CLCC1: variants seen among roughly 807,000 people sequenced by gnomAD.
CLCC1 encodes chloride channel CLIC-like protein 1.
CLCC1 carries 39 observed loss-of-function variants against 63.3 expected under a neutral mutation model. The ratio of observed to expected loss-of-function variants is 0.62; its 90% confidence interval spans 0.48 to 0.81. The LOEUF is 0.81. Among genes scored for constraint, CLCC1 ranks in the 30% least tolerant of loss-of-function variants. The probability of loss-of-function intolerance (pLI) is 0.00; values close to 1 mark genes in which losing one functional copy is unlikely to be tolerated. For synonymous variants in CLCC1, 217 were observed against 239.8 expected (o/e 0.90, Z 0.88); for missense variants, 549 against 669.4 (o/e 0.82, Z 1.98).
chr1:108,943,615 C>T lies in CLCC1; in HGVS notation c.562G>A (p.Val188Ile). 1 of 1,573,634 alleles carries T rather than the reference C, an allele frequency of 6.4e-7. No homozygotes were observed. Among genetic ancestry groups the T allele is most frequent in the Non-Finnish European group, 8.6e-7 (1 of 1,165,148 alleles). Residue 188 changes from valine (V) to isoleucine (I), a missense_variant and splice_region_variant, in exon 7 of 13, where the codon GTA becomes ATA. By Grantham distance (29) the Val-to-Ile change is conservative. Coordinates refer to ENST00000369969, the MANE Select transcript of CLCC1 (RefSeq NM_001377458.1). ...FGVDPYNVLM[V>I]LLCLLCIVVL... ...ACGATGCAGAGCAGACAAAGAAGTA[C>T]CTTAAAACAGAGAGAAGCAGAAATC...
intron 2 of CLCC1, among the ~76,000 whole-genome samples, chr1:108,951,984 C>G (rs1407470467): frequency 6.6e-6 from 1 of 151,948 alleles, no homozygotes; most frequent in Non-Finnish European, 1.5e-5. Context: ...CACTATATTG[C>G]CCAGGCTGGT....
intron 1 of CLCC1, among the ~76,000 whole-genome samples, 180 bp downstream of exon 1, chr1:108,963,181 G>GCT (rs774860296): frequency 4.6e-5 from 7 of 152,224 alleles, no homozygotes; most frequent in South Asian, 2.1e-4. Context: ...CGGGAGCTGA[G>GCT]GTAGGAGCCC....
rs560108540 is a variant in CLCC1 at position 108,957,975 on chromosome 1, A to G, written c.-12+4334T>C. Among the ~76,000 whole-genome samples, 3 of 151,504 alleles carry G rather than the reference A, an allele frequency of 2.0e-5. No individual in the cohort carries two copies. The East Asian group carries it at 5.8e-4, about 29-fold the overall frequency. ...GAACCAGCAAGAGATAATTCTAGTG[A>G]GTGCTATGAGGCAGGAAGAAAACCA... On this transcript the variant is annotated intron_variant, in intron 2 of 12. Transcript: ENST00000369969.
Position 108,962,308 on chromosome 1 carries a change from C to A in CLCC1, c.-12+1G>T, listed in dbSNP as rs1421426050. ...TGAGTAATGGGAAAGGCAAGACTAACCTGGATTAGTAGAGTCAAATCCTGT... is the reference window on the plus strand; with the variant it reads ...TGAGTAATGGGAAAGGCAAGACTAAACTGGATTAGTAGAGTCAAATCCTGT... On this transcript the variant is annotated splice_donor_variant, in intron 2 of 12. Coordinates refer to ENST00000369969, the MANE Select transcript of CLCC1 (RefSeq NM_001377458.1). LOFTEE classifies it low-confidence loss of function (5UTR_SPLICE). The A allele has an allele frequency of 6.6e-6, 1 of 152,132 alleles. No individual in the cohort carries two copies. Among genetic ancestry groups the A allele is most frequent in the African/African-American group, 2.4e-5 (1 of 41,420 alleles). 9.4% of individuals were successfully genotyped at this position (152,132 alleles called of 1,614,324 possible). A position where few individuals can be genotyped will look rare whatever the true frequency, so the allele number is the denominator to read the frequency against.
At chr1:108,943,365 A>C in intron 7 of CLCC1, 110 bp downstream of exon 7, 1 of 1,113,290 alleles carries the variant, frequency 9.0e-7, no homozygotes. Flanking sequence ...GCCACCTCTA[A>C]TCACTGCCTC....
chr1:108,952,668 T>C (rs1411131908), intron 2 of CLCC1, among the ~76,000 whole-genome samples: 1 of 151,656 alleles, frequency 6.6e-6, no homozygotes, highest in Non-Finnish European at 1.5e-5. Context: ...GGCATGGTGG[T>C]GTGTGCCTGT....
In CLCC1 at chr1:108,943,879, C is replaced by A. The variant is rs764536408; in HGVS notation, c.518G>T (p.Arg173Leu). Reference sequence around the variant, plus strand: ...ATCCACTCCAAAGGAATCTTCGAATCGCCACTTCCATGTTTCAAAATCATG... The same window carrying A: ...ATCCACTCCAAAGGAATCTTCGAATAGCCACTTCCATGTTTCAAAATCATG... ...KFHDFETWKWRFEDSFGVDPY... is the reference protein window; with the variant it reads ...KFHDFETWKWLFEDSFGVDPY... The change falls in exon 6 of 13, where the codon CGA becomes CTA. Residue 173 changes from arginine (R) to leucine (L), a missense_variant. Coordinates refer to ENST00000369969, the MANE Select transcript of CLCC1 (RefSeq NM_001377458.1). 1.2e-6 allele frequency: 2 copies of A among 1,613,794 alleles called. No individual in the cohort carries two copies. Among genetic ancestry groups the A allele is most frequent in the African/African-American group, 1.3e-5 (1 of 74,924 alleles).
In CLCC1 at chr1:108,931,458, C is replaced by T. The variant is rs919601903; in HGVS notation, c.*1089G>A. The T allele has an allele frequency of 3.9e-6, 6 of 1,550,818 alleles. No homozygotes were observed. In the East Asian group the frequency reaches 7.3e-5, roughly 19 times the overall value. On this transcript the variant is annotated 3_prime_UTR_variant, in exon 13 of 13. Transcript: ENST00000369969. ...CTTGGAACAAGTTGCCAACTTGTTTCACTCTGCTTGCTTCAGACTGTGCAC... is the reference window on the plus strand; with the variant it reads ...CTTGGAACAAGTTGCCAACTTGTTTTACTCTGCTTGCTTCAGACTGTGCAC...
intron 11 of CLCC1, among the ~76,000 whole-genome samples, chr1:108,935,999 A>G (rs1267794818): frequency 6.6e-6 from 1 of 151,948 alleles, no homozygotes; most frequent in Non-Finnish European, 1.5e-5. Context: ...CTTTCCCCTC[A>G]AGTGAGATAG....
chr1:108,936,612 A>G (rs2101623467), intron 11 of CLCC1, among the ~76,000 whole-genome samples: 1 of 152,358 alleles, frequency 6.6e-6, no homozygotes, highest in African/African-American at 2.4e-5. Flanking sequence ...TTACCATTCT[A>G]CAGGTAAAAA....
In CLCC1 at chr1:108,934,649, G is replaced by A; in HGVS notation, c.*21C>T. ...CAAAGCTCGAAGGAGACTTGAGGCTGTCGTTTGTGCTGGTGTTCCTCTAGC... is the reference window on the plus strand; with the variant it reads ...CAAAGCTCGAAGGAGACTTGAGGCTATCGTTTGTGCTGGTGTTCCTCTAGC... On this transcript the variant is annotated 3_prime_UTR_variant, in exon 12 of 13. Transcript: ENST00000369969. 1.2e-6 allele frequency: 2 copies of A among 1,605,160 alleles called. No individual in the cohort carries two copies. Among genetic ancestry groups the A allele is most frequent in the Non-Finnish European group, 1.7e-6 (2 of 1,174,900 alleles).
intron 2 of CLCC1, among the ~76,000 whole-genome samples, chr1:108,958,874 C>T (rs201988522): frequency 6.8e-6 from 1 of 147,936 alleles, no homozygotes; most frequent in Non-Finnish European, 1.5e-5. Context: ...AGCGAGACTC[C>T]ATCTCAAAAA....
chr1:108,936,969 G>T, intron 11 of CLCC1, 108 bp downstream of exon 11: 1 of 681,830 alleles, frequency 1.5e-6, no homozygotes, highest in Non-Finnish European at 2.1e-6. Context: ...TATCACTCAT[G>T]ATATAATTAA....
rs1652002486 is a variant in CLCC1 at position 108,931,687 on chromosome 1, A to G, written c.*860T>C. 1 of 650,480 alleles carries G rather than the reference A, an allele frequency of 1.5e-6. No homozygotes were observed. The highest frequency in any genetic ancestry group is 2.8e-5 in the South Asian group (1 of 36,258). 40.3% of individuals were successfully genotyped at this position (650,480 alleles called of 1,614,324 possible). On this transcript the variant is annotated 3_prime_UTR_variant, in exon 13 of 13. Coordinates refer to ENST00000369969, the MANE Select transcript of CLCC1 (RefSeq NM_001377458.1). ...GATTACATTATGTTTCATGTATACT[A>G]TAAGGTATGATGTCCTGGATAGCAT...
At chr1:108,946,218 G>C (rs1394803739) in intron 5 of CLCC1, among the ~76,000 whole-genome samples, 3 of 151,532 alleles carry the variant, frequency 2.0e-5, no homozygotes, top group Non-Finnish European at 4.4e-5. Context: ...GCTGAGGCAG[G>C]AGAATGGTGT....
chr1:108,939,451 C>T (rs529411519), intron 10 of CLCC1, among the ~76,000 whole-genome samples, 185 bp downstream of exon 10: 12 of 151,244 alleles, frequency 7.9e-5, no homozygotes, highest in East Asian at 7.8e-4. Flanking sequence ...GGACTACAGG[C>T]GCCCGCCACC....
At chr1:108,944,200 T>G in intron 5 of CLCC1, 143 bp from the exon 6 acceptor site, 1 of 651,350 alleles carries the variant, frequency 1.5e-6, no homozygotes, top group East Asian at 2.8e-5. Flanking sequence ...CTGGGCAAGG[T>G]AGCTCACACC....
At chr1:108,963,241 C>G in intron 1 of CLCC1, 120 bp downstream of exon 1, 2 of 605,328 alleles carry the variant, frequency 3.3e-6, no homozygotes, top group Non-Finnish European at 3.0e-6. Context: ...CGGTCCCCGC[C>G]CCGGGTCGCG....
At position 108,961,292 on chromosome 1, in the gene CLCC1, A is replaced by AAAC. The variant is rs1553223526; in HGVS notation, c.-12+1016_-12+1017insGTT. On this transcript the variant is annotated intron_variant, in intron 2 of 12. Transcript: ENST00000369969. ...CCTGCTGAAGAGTTTGTTAAAAAAA[A>AAAC]AAAAAAACGATTCTGATTCAGTAAA... Among the ~76,000 whole-genome samples, 5 of 151,548 alleles carry AAAC rather than the reference A, an allele frequency of 3.3e-5. 2 individuals are homozygous for AAAC. In the South Asian group the frequency reaches 1.0e-3, roughly 32 times the overall value.
Sources: allele counts gnomAD v4.1 joint callset (sites outside exome capture counted in the v4.1 genomes callset), GRCh38; gene constraint gnomAD v4.1.1; transcripts MANE v1.5; gene names NCBI Gene and HGNC (gene_info 2026-07-23, HGNC 2026-07-21).